FRMD3: variants seen among roughly 807,000 people sequenced by gnomAD.
FRMD3 encodes FERM domain containing 3, also known as FERM domain-containing protein 3.
In FRMD3, 33 loss-of-function variants were observed where a neutral mutation model predicts 70.2. The observed-to-expected ratio is 0.47, with a 90% CI of 0.36 to 0.63. FRMD3 has a LOEUF of 0.63. Ranked by LOEUF, FRMD3 falls within the 20% of genes least tolerant of loss-of-function variation. The pLI is 0.00. For synonymous variants in FRMD3, 279 were observed against 255.9 expected (o/e 1.09, Z -0.86); for missense variants, 632 against 711.4 (o/e 0.89, Z 1.27).
intron 12 of FRMD3, among the ~76,000 whole-genome samples, chr9:83,298,173 T>C (rs1834753123): frequency 6.6e-6 from 1 of 152,180 alleles, no homozygotes; most frequent in Non-Finnish European, 1.5e-5. Flanking sequence ...TGCAGCATAT[T>C]TGAGGTTTAG....
chr9:83,376,928 C>T (rs114405792), intron 2 of FRMD3, among the ~76,000 whole-genome samples: 1,807 of 149,256 alleles, frequency 0.012, 36 homozygotes, highest in African/African-American at 0.042. Flanking sequence ...CTAGGGGTGC[C>T]CAACCGGCAC....
At chr9:83,415,759 C>G (rs1003070196) in intron 1 of FRMD3, among the ~76,000 whole-genome samples, 2 of 151,698 alleles carry the variant, frequency 1.3e-5, no homozygotes, top group Non-Finnish European at 2.9e-5. Context: ...TGCGCCCAGC[C>G]GAGAAAGGAA....
intron 6 of FRMD3, among the ~76,000 whole-genome samples, chr9:83,317,611 C>G (rs896937608): frequency 1.3e-5 from 2 of 152,202 alleles, no homozygotes; most frequent in Non-Finnish European, 2.9e-5. Context: ...AATATAGGAA[C>G]AAGATAATTG....
chr9:83,568,975 C>G, the FRMD3 span, among the ~76,000 whole-genome samples: 12 of 151,846 alleles, frequency 7.9e-5, no homozygotes, highest in South Asian at 4.2e-4. Flanking sequence ...TACATACATA[C>G]ATACATACAT....
chr9:83,506,739 T>C (rs944464785), intron 1 of FRMD3, among the ~76,000 whole-genome samples: 2 of 152,258 alleles, frequency 1.3e-5, no homozygotes, highest in African/African-American at 4.8e-5. Flanking sequence ...TAAATTAACC[T>C]TAGCTTACTG....
intron 1 of FRMD3, among the ~76,000 whole-genome samples, chr9:83,400,056 A>G (rs1825909873): frequency 1.3e-5 from 2 of 152,128 alleles, no homozygotes; most frequent in South Asian, 4.1e-4. Flanking sequence ...AAGAAAAGAA[A>G]AAGGTATGCA....
At chr9:83,339,392 G>A (rs1370856431) in intron 5 of FRMD3, among the ~76,000 whole-genome samples, 1 of 152,164 alleles carries the variant, frequency 6.6e-6, no homozygotes, top group Non-Finnish European at 1.5e-5. Flanking sequence ...CTTGGAAGTT[G>A]AAGTCGTGAC....
At chr9:83,394,800 AC>A (rs1274368016) in intron 1 of FRMD3, among the ~76,000 whole-genome samples, 1 of 151,916 alleles carries the variant, frequency 6.6e-6, no homozygotes, top group Admixed American at 6.6e-5. Context: ...TCTCCTCCCC[AC>A]CCCAAAGTAT....
At chr9:83,525,462 G>C (rs1251303030) in intron 1 of FRMD3, among the ~76,000 whole-genome samples, 1 of 152,088 alleles carries the variant, frequency 6.6e-6, no homozygotes, top group Non-Finnish European at 1.5e-5. Context: ...TGCCACAAGA[G>C]GTATCTGAGA....
chr9:83,466,431 C>T (rs1157939132), intron 1 of FRMD3, among the ~76,000 whole-genome samples: 3 of 152,200 alleles, frequency 2.0e-5, no homozygotes, highest in African/African-American at 4.8e-5. Context: ...CCGAGTTCCA[C>T]GATCTCGCTA....
intron 1 of FRMD3, among the ~76,000 whole-genome samples, chr9:83,476,585 A>AG (rs1447320659): frequency 6.6e-6 from 1 of 152,190 alleles, no homozygotes; most frequent in Non-Finnish European, 1.5e-5. Context: ...TAGAGCCCAG[A>AG]GGAGAGGCAG....
chr9:83,421,471 G>T (rs200682278), intron 1 of FRMD3, among the ~76,000 whole-genome samples: 17,219 of 152,086 alleles, frequency 0.11, 1,135 homozygotes, highest in African/African-American at 0.17. Context: ...AAACTGAGAT[G>T]CAGAAAAAAT....
At chr9:83,258,722 A>G (rs1274920977) in intron 13 of FRMD3, among the ~76,000 whole-genome samples, 1 of 152,204 alleles carries the variant, frequency 6.6e-6, no homozygotes, top group Non-Finnish European at 1.5e-5. Context: ...CCACATGGCA[A>G]TGTCTTTCCT....
At chr9:83,302,157 A>C (rs545599136) in intron 10 of FRMD3, among the ~76,000 whole-genome samples, 2 of 152,336 alleles carry the variant, frequency 1.3e-5, no homozygotes, top group South Asian at 2.1e-4. Context: ...GTTAAAGTAC[A>C]TGAATCCGGA....
At chr9:83,352,182 G>T (rs2131192085) in intron 3 of FRMD3, among the ~76,000 whole-genome samples, 1 of 152,246 alleles carries the variant, frequency 6.6e-6, no homozygotes, top group Admixed American at 6.5e-5. Flanking sequence ...CTTGTGCACA[G>T]ATCGCTATAT....
rs1224355216 is a variant in FRMD3, at chr9:83,360,061, T to C, written c.296-10304A>G. 1.3e-5 allele frequency among the ~76,000 whole-genome samples: 2 copies of C among 152,098 alleles called. 1 individual carries two copies. The highest frequency in any genetic ancestry group is 2.9e-5 in the Non-Finnish European group (2 of 68,020). On this transcript the variant is annotated intron_variant, in intron 3 of 13. Coordinates refer to ENST00000304195, the MANE Select transcript of FRMD3 (RefSeq NM_174938.6). ...GAGGAAGAAGTGGGCATGAGACAGG[T>C]GTGTATATGAAGAGATATTTGGCAG...
intron 1 of FRMD3, among the ~76,000 whole-genome samples, chr9:83,494,745 A>G (rs1828901225): frequency 6.6e-6 from 1 of 152,148 alleles, no homozygotes; most frequent in African/African-American, 2.4e-5. Flanking sequence ...TCTCAACAAC[A>G]ACAAAAAAAA....
chr9:83,272,234 C>T (rs1248379632), intron 13 of FRMD3, among the ~76,000 whole-genome samples: 1 of 151,998 alleles, frequency 6.6e-6, no homozygotes, highest in Non-Finnish European at 1.5e-5. Context: ...CTGCCCAGTG[C>T]CTGGGATTGC....
chr9:83,332,047 G>A lies in FRMD3; in HGVS notation c.596+3469C>T, dbSNP rs1229280064. 6.3e-5 allele frequency: 39 copies of A among 623,922 alleles called. 2 individuals carry two copies. The South Asian group carries it at 7.0e-4, about 11-fold the overall frequency. The allele number at this position is 623,922 out of a possible 1,614,324, so 38.6% of individuals were successfully genotyped here. A position where few individuals can be genotyped will look rare whatever the true frequency, so the allele number is the denominator to read the frequency against. ...TCCCTGAGTGACAATGGTGGGCGGAGCCCCCCAGCTGGCCTCTGGTGGGCA... is the reference window on the plus strand; with the variant it reads ...TCCCTGAGTGACAATGGTGGGCGGAACCCCCCAGCTGGCCTCTGGTGGGCA... On this transcript the variant is annotated intron_variant, in intron 6 of 13. Transcript: ENST00000304195.
Sources: gnomAD v4.1 joint callset for allele counts (sites outside exome capture counted in the v4.1 genomes callset) on GRCh38, gnomAD v4.1.1 for gene constraint, MANE v1.5 for transcripts, NCBI Gene and HGNC (gene_info 2026-07-23, HGNC 2026-07-21) for gene names.